The following RIPOR2 variants were observed in gnomAD, a reference collection of about 807,000 sequenced individuals.
The protein encoded by RIPOR2 is rho family-interacting cell polarization regulator 2.
Under a neutral mutation model 114.5 loss-of-function variants are expected in RIPOR2, and 39 were observed. The ratio of observed to expected loss-of-function variants is 0.34; its 90% confidence interval spans 0.26 to 0.44. RIPOR2 has a LOEUF of 0.44. Ranked by LOEUF, RIPOR2 falls within the 20% of genes least tolerant of loss-of-function variation. RIPOR2 has a pLI of 1.00. For synonymous variants in RIPOR2, 445 were observed against 484.4 expected (o/e 0.92, Z 1.07); for missense variants, 1,007 against 1,255.1 (o/e 0.80, Z 2.99).
upstream of RIPOR2, among the ~76,000 whole-genome samples, chr6:24,937,540 A>G (rs1581840937): frequency 6.6e-6 from 1 of 152,266 alleles, no homozygotes. Flanking sequence ...CAAGGGTTGC[A>G]CTTAGTTACA....
chr6:25,021,603 A>G (rs572477795), intron 1 of RIPOR2, among the ~76,000 whole-genome samples: 2 of 152,328 alleles, frequency 1.3e-5, no homozygotes, highest in African/African-American at 2.4e-5. Flanking sequence ...ATGCAAAGGC[A>G]TAAGAAAGAC....
At chr6:24,846,416 C>T (rs1762293933) in intron 12 of RIPOR2, among the ~76,000 whole-genome samples, 1 of 150,788 alleles carries the variant, frequency 6.6e-6, no homozygotes, top group Admixed American at 6.6e-5. Context: ...CAGTGATCTC[C>T]TGCTTCAGTC....
intron 11 of RIPOR2, 138 bp from the exon 12 acceptor site, chr6:24,848,292 T>C: frequency 1.2e-6 from 1 of 851,270 alleles, no homozygotes; most frequent in Admixed American, 3.1e-5. Flanking sequence ...TTAGCTAAAC[T>C]GCTTTGCAGA....
At chr6:24,968,373 G>T (rs931851154) in intron 1 of RIPOR2, among the ~76,000 whole-genome samples, 31 of 152,250 alleles carry the variant, frequency 2.0e-4, no homozygotes, top group Non-Finnish European at 2.5e-4. Flanking sequence ...AAGCACCTTT[G>T]GGGTATTTTC....
At chr6:24,940,544 T>C (rs911394709), upstream of RIPOR2, among the ~76,000 whole-genome samples, 2 of 152,076 alleles carry the variant, frequency 1.3e-5, no homozygotes, top group Non-Finnish European at 2.9e-5. Flanking sequence ...GAGTCAGAAA[T>C]AATCTTATCT....
At chr6:24,977,000 C>G in intron 1 of RIPOR2, 1 of 1,503,066 alleles carries the variant, frequency 6.7e-7, no homozygotes, top group Admixed American at 1.7e-5. Flanking sequence ...TGTGTTTTAT[C>G]TTAACCACCA....
intron 1 of RIPOR2, among the ~76,000 whole-genome samples, chr6:24,919,577 C>G (rs2114101397): frequency 6.6e-6 from 1 of 152,300 alleles, no homozygotes; most frequent in Middle Eastern, 3.4e-3. Context: ...CAGCCTCTTC[C>G]TTTCCTGACC....
intron 1 of RIPOR2, among the ~76,000 whole-genome samples, chr6:24,984,257 C>G (rs190121842): frequency 3.3e-5 from 5 of 152,240 alleles, no homozygotes; most frequent in African/African-American, 1.2e-4. Flanking sequence ...TGGGTGCAGG[C>G]GGGCTGAGTC....
intron 17 of RIPOR2, among the ~76,000 whole-genome samples, chr6:24,829,430 C>T (rs12214260): frequency 1.3e-5 from 2 of 151,944 alleles, no homozygotes; most frequent in South Asian, 2.1e-4. Flanking sequence ...GAGTTCAAGA[C>T]CAGCCTGGGC....
intron 14 of RIPOR2, among the ~76,000 whole-genome samples, chr6:24,836,738 T>G (rs1761147928): frequency 6.6e-6 from 1 of 152,034 alleles, no homozygotes; most frequent in African/African-American, 2.4e-5. Context: ...TGATTCACAT[T>G]TGACTCCAAG....
intron 1 of RIPOR2, among the ~76,000 whole-genome samples, chr6:24,966,372 G>A (rs1007818983): frequency 1.3e-5 from 2 of 152,112 alleles, no homozygotes; most frequent in Non-Finnish European, 2.9e-5. Flanking sequence ...GAATAGTATT[G>A]TGTTTCATCA....
chr6:24,896,201 A>G (rs1767854521), intron 1 of RIPOR2, among the ~76,000 whole-genome samples: 1 of 150,546 alleles, frequency 6.6e-6, no homozygotes, highest in Admixed American at 6.6e-5. Context: ...GCGGCATGGC[A>G]GCACCACTTT....
Position 24,843,139 on chromosome 6 carries a change from GCCT to G in RIPOR2, c.1577_1579del (p.Glu526del). 1 of 1,613,960 alleles carries G rather than the reference GCCT, an allele frequency of 6.2e-7. No individual in the cohort carries two copies. The highest frequency in any genetic ancestry group is 8.5e-7 in the Non-Finnish European group (1 of 1,179,868). ...CAGTTCCACAGGCTTGAGCTCAGAG[GCCT>G]CCTCAGACTCTTGCAGAAGTGCTTC... On this transcript the variant is annotated inframe_deletion, in exon 13 of 22. Coordinates refer to ENST00000643898, the MANE Select transcript of RIPOR2 (RefSeq NM_001286445.3).
At chr6:24,869,021 C>T (rs1165324965) in intron 6 of RIPOR2, 73 bp downstream of exon 6, 20 of 837,094 alleles carry the variant, frequency 2.4e-5, no homozygotes, top group South Asian at 9.4e-5. Context: ...CTAGATACTA[C>T]GCTCAGCCCA....
At position 24,820,744 on chromosome 6, in the gene RIPOR2, C is replaced by A. The variant is rs566806181; in HGVS notation, c.2869-2119G>T. 5.9e-5 allele frequency among the ~76,000 whole-genome samples: 9 copies of A among 152,148 alleles called. No homozygotes were observed. The East Asian group carries it at 1.5e-3, about 26-fold the overall frequency. On this transcript the variant is annotated intron_variant, in intron 19 of 21. Transcript: ENST00000643898. ...AAAAATATTCCATTATATGGCTAGA[C>A]CACATTTTATTTATTCACCAGTTGA...
At chr6:25,014,192 A>T (rs1425843106) in intron 1 of RIPOR2, among the ~76,000 whole-genome samples, 1 of 152,206 alleles carries the variant, frequency 6.6e-6, no homozygotes, top group Non-Finnish European at 1.5e-5. Context: ...CAGATGAGGG[A>T]ACTGAAATCC....
At chr6:24,926,924 TCAC>T (rs1209749554) in intron 1 of RIPOR2, among the ~76,000 whole-genome samples, 57 of 146,164 alleles carry the variant, frequency 3.9e-4, no homozygotes, top group Middle Eastern at 3.7e-3. Flanking sequence ...ACCATCATCA[TCAC>T]CACCACCACC....
chr6:24,939,259 A>C (rs1339329313), upstream of RIPOR2, among the ~76,000 whole-genome samples: 1 of 152,216 alleles, frequency 6.6e-6, no homozygotes, highest in Non-Finnish European at 1.5e-5. Context: ...TGTAAAGTCT[A>C]AAAGAATGCT....
At chr6:24,938,146 T>C (rs1465722067), upstream of RIPOR2, among the ~76,000 whole-genome samples, 2 of 152,184 alleles carry the variant, frequency 1.3e-5, no homozygotes, top group Admixed American at 1.3e-4. Flanking sequence ...AGGATGAACT[T>C]ATATCATATT....
Sources: allele counts gnomAD v4.1 joint callset (sites outside exome capture counted in the v4.1 genomes callset), GRCh38; gene constraint gnomAD v4.1.1; transcripts MANE v1.5; gene names NCBI Gene and HGNC (gene_info 2026-07-23, HGNC 2026-07-21).